Variants in DCC observed in about 807,000 individuals in gnomAD.
DCC encodes netrin receptor DCC.
A neutral mutation model predicts 172.5 loss-of-function variants in DCC; 58 were observed. The observed-to-expected ratio is 0.34, with a 90% CI of 0.27 to 0.42. DCC has a LOEUF of 0.42. DCC is among the 10% of genes least tolerant of loss of function. DCC has a pLI of 1.00. For missense variants in DCC, 1,740 were observed against 1,791.0 expected (o/e 0.97, Z 0.51); for synonymous variants, 709 against 644.5 (o/e 1.10, Z -1.52).
intron 2 of DCC, among the ~76,000 whole-genome samples, chr18:52,872,455 G>A (rs144384028): frequency 2.0e-5 from 3 of 152,080 alleles, no homozygotes; most frequent in Non-Finnish European, 4.4e-5. Context: ...TACGAATGCC[G>A]ATCTACCCCA....
At chr18:53,298,527 C>CAAAAA (rs61387067) in intron 12 of DCC, among the ~76,000 whole-genome samples, 15 of 33,088 alleles carry the variant, frequency 4.5e-4, no homozygotes, top group African/African-American at 7.7e-4. Flanking sequence ...GACCCTGACT[C>CAAAAA]AAAAAAAAAA....
intron 1 of DCC, among the ~76,000 whole-genome samples, chr18:52,351,819 T>C (rs1040617839): frequency 1.1e-4 from 17 of 152,220 alleles, no homozygotes; most frequent in Admixed American, 9.2e-4. Flanking sequence ...CTTAAAAACA[T>C]AAACGAATGT....
chr18:53,503,702 C>T (rs2144485040), intron 27 of DCC, among the ~76,000 whole-genome samples: 1 of 152,086 alleles, frequency 6.6e-6, no homozygotes, highest in Non-Finnish European at 1.5e-5. Context: ...GTTAGGAGAC[C>T]ATTTGTCTTC....
chr18:52,787,962 C>G (rs2037689681), intron 2 of DCC, among the ~76,000 whole-genome samples: 1 of 152,198 alleles, frequency 6.6e-6, no homozygotes, highest in Non-Finnish European at 1.5e-5. Flanking sequence ...CCAAGTTGAA[C>G]ATGAGGTGAA....
chr18:52,815,852 T>C (rs993178913), intron 2 of DCC, among the ~76,000 whole-genome samples: 10 of 152,208 alleles, frequency 6.6e-5, no homozygotes, highest in African/African-American at 2.4e-4. Flanking sequence ...GGATTTGCTT[T>C]AGAAATGTTT....
intron 1 of DCC, among the ~76,000 whole-genome samples, chr18:52,632,397 T>C (rs1015908532): frequency 1.3e-5 from 2 of 152,180 alleles, no homozygotes; most frequent in African/African-American, 2.4e-5. Context: ...AACATGTACA[T>C]AGCCCACTGG....
intron 7 of DCC, among the ~76,000 whole-genome samples, chr18:53,128,642 GA>G (rs2043599797): frequency 6.6e-6 from 1 of 151,698 alleles, no homozygotes; most frequent in Non-Finnish European, 1.5e-5. Context: ...TGTTATTAAA[GA>G]AATTATTAAG....
At chr18:53,015,105 A>G (rs1171766847) in intron 5 of DCC, among the ~76,000 whole-genome samples, 1 of 152,218 alleles carries the variant, frequency 6.6e-6, no homozygotes, top group Non-Finnish European at 1.5e-5. Flanking sequence ...TTATGCTCAG[A>G]TTCTAGACTA....
chr18:53,439,782 T>TTTTTTTTTTTG (rs1568133290), intron 22 of DCC, among the ~76,000 whole-genome samples: 1 of 147,090 alleles, frequency 6.8e-6, no homozygotes, highest in Non-Finnish European at 1.5e-5. Flanking sequence ...TTTTTTTTTT[T>TTTTTTTTTTTG]GAGACGGAGT....
At chr18:52,432,467 C>G (rs1987656584) in intron 1 of DCC, among the ~76,000 whole-genome samples, 1 of 152,138 alleles carries the variant, frequency 6.6e-6, no homozygotes, top group Non-Finnish European at 1.5e-5. Context: ...TAATTTTTGC[C>G]TAAGCACCCT....
chr18:52,405,739 A>G (rs1408196288), intron 1 of DCC, among the ~76,000 whole-genome samples: 1 of 151,638 alleles, frequency 6.6e-6, no homozygotes, highest in Non-Finnish European at 1.5e-5. Flanking sequence ...GAAAATGGCC[A>G]TACTGCCCAA....
chr18:53,481,420 C>G (rs1001080945), intron 25 of DCC, among the ~76,000 whole-genome samples: 1 of 152,104 alleles, frequency 6.6e-6, no homozygotes, highest in Non-Finnish European at 1.5e-5. Flanking sequence ...CAAAAGCGAC[C>G]CTCTATGGAG....
chr18:53,358,978 A>T (rs1465753353), intron 15 of DCC, among the ~76,000 whole-genome samples: 1 of 152,142 alleles, frequency 6.6e-6, no homozygotes, highest in African/African-American at 2.4e-5. Flanking sequence ...TTGTTAGAAG[A>T]TTTTTCCTAG....
intron 22 of DCC, among the ~76,000 whole-genome samples, chr18:53,439,780 T>A (rs1396396041): frequency 6.8e-6 from 1 of 146,002 alleles, no homozygotes; most frequent in African/African-American, 2.5e-5. Flanking sequence ...TTTTTTTTTT[T>A]TTGAGACGGA....
chr18:52,727,730 G>A (rs951442755), intron 1 of DCC, among the ~76,000 whole-genome samples: 1 of 152,136 alleles, frequency 6.6e-6, no homozygotes. Context: ...AATACAGCTG[G>A]TCAGGAGAGC....
intron 2 of DCC, among the ~76,000 whole-genome samples, chr18:52,757,751 C>T (rs1300097599): frequency 6.6e-6 from 1 of 152,124 alleles, no homozygotes. Flanking sequence ...GCAGTTTCTG[C>T]TTCAGAAAGT....
At chr18:52,927,147 G>GTATATACGTGTATATA in intron 5 of DCC, among the ~76,000 whole-genome samples, 1 of 29,860 alleles carries the variant, frequency 3.3e-5, no homozygotes, top group African/African-American at 1.1e-4. Flanking sequence ...GTGTATATAT[G>GTATATACGTGTATATA]TGTATATATA....
intron 26 of DCC, among the ~76,000 whole-genome samples, chr18:53,498,135 C>T (rs2046048223): frequency 6.6e-6 from 1 of 152,210 alleles, no homozygotes; most frequent in Non-Finnish European, 1.5e-5. Flanking sequence ...CATTTCACTT[C>T]TGCATAACTT....
chr18:52,933,078 T>G (rs2040331697), intron 5 of DCC, among the ~76,000 whole-genome samples: 3 of 152,128 alleles, frequency 2.0e-5, no homozygotes, highest in Admixed American at 2.0e-4. Flanking sequence ...AAGTTCACCT[T>G]AATAGCTCAT....
Sources: gnomAD v4.1 joint callset for allele counts (sites outside exome capture counted in the v4.1 genomes callset) on GRCh38, gnomAD v4.1.1 for gene constraint, MANE v1.5 for transcripts, NCBI Gene and HGNC (gene_info 2026-07-23, HGNC 2026-07-21) for gene names.